NFE2L3: variants seen among roughly 807,000 people sequenced by gnomAD.
NFE2L3 encodes nuclear factor erythroid 2-related factor 3.
In NFE2L3, 18 loss-of-function variants were observed where a neutral mutation model predicts 23.5. That is an observed-to-expected ratio of 0.77 (90% CI 0.53 to 1.13). The LOEUF is 1.13. Ranked by LOEUF, NFE2L3 falls within the 50% of genes most tolerant of loss-of-function variation. The pLI, the probability that NFE2L3 is intolerant of heterozygous loss-of-function variation, is 0.00. For missense variants in NFE2L3, 1,152 were observed against 877.2 expected, an observed-to-expected ratio of 1.31 and a Z score of -3.96; for synonymous variants, 424 against 354.5, an observed-to-expected ratio of 1.20 and a Z score of -2.20.
At chr7:26,155,098 A>G (rs1784061510) in intron 1 of NFE2L3, among the ~76,000 whole-genome samples, 1 of 152,134 alleles carries the variant, frequency 6.6e-6, no homozygotes, top group African/African-American at 2.4e-5. Flanking sequence ...TGCCTTTTAC[A>G]TCAACCTTGT....
Position 26,185,125 on chromosome 7 carries a change from G to A in NFE2L3, c.1427G>A (p.Cys476Tyr). ...GGYYPEPSKLCHLDQSDSDFH... is the reference protein window; with the variant it reads ...GGYYPEPSKLYHLDQSDSDFH... ...TACTACCCAGAACCCAGTAAGCTTT[G>A]TCACTTGGATCAAAGTGATTCTGAT... Residue 476 changes from cysteine to tyrosine, a missense_variant, in exon 4 of 4, where the codon TGT becomes TAT. Physicochemically the swap from Cys to Tyr is radical, Grantham distance 194 (BLOSUM62 -2). Transcript: ENST00000056233. 1 of 1,613,886 alleles carries A rather than the reference G, an allele frequency of 6.2e-7. No homozygotes were observed. The highest frequency in any genetic ancestry group is 8.5e-7 in the Non-Finnish European group (1 of 1,179,826).
chr7:26,180,723 GCA>G (rs1784492035), intron 2 of NFE2L3, among the ~76,000 whole-genome samples: 1 of 151,990 alleles, frequency 6.6e-6, no homozygotes, highest in Non-Finnish European at 1.5e-5. Flanking sequence ...TCACTGCTAG[GCA>G]CAGACTAGGC....
At chr7:26,157,187 T>A (rs761412715) in intron 1 of NFE2L3, among the ~76,000 whole-genome samples, 1 of 152,130 alleles carries the variant, frequency 6.6e-6, no homozygotes, top group Non-Finnish European at 1.5e-5. Flanking sequence ...AGTCAATATT[T>A]AATTTTTTTT....
At position 26,185,799 on chromosome 7, in the gene NFE2L3, G is replaced by A. The variant is rs752209125; in HGVS notation, c.*16G>A. On this transcript the variant is annotated 3_prime_UTR_variant, in exon 4 of 4. Transcript: ENST00000056233. ...GAGAAAGTGAGAAGAAACTGAAGAT[G>A]GACTCTATTATGTGAAGTAGTAATG... The A allele has an allele frequency of 3.2e-6, 5 of 1,567,720 alleles. No individual in the cohort carries two copies. In the South Asian group the frequency reaches 3.6e-5, roughly 11 times the overall value.
Position 26,185,065 on chromosome 7 carries a change from G to T in NFE2L3, c.1367G>T (p.Ser456Ile). The change falls in exon 4 of 4, where the codon AGT becomes ATT. Residue 456 changes from serine to isoleucine, a missense_variant. Transcript: ENST00000056233. ...AIGYCTDHES[S>I]SHHDLEGAVG... ...GGTTATTGCACTGACCATGAATCTA[G>T]TTCCCATCATGACTTAGAAGGTGCT... is the stretch of plus-strand genomic sequence containing the variant. The T allele has an allele frequency of 6.2e-7, 1 of 1,613,716 alleles. No homozygotes were observed. Among genetic ancestry groups the T allele is most frequent in the Non-Finnish European group, 8.5e-7 (1 of 1,179,696 alleles).
intron 1 of NFE2L3, among the ~76,000 whole-genome samples, chr7:26,168,193 ATGG>A (rs1165510884): frequency 9.3e-5 from 14 of 150,672 alleles, no homozygotes; most frequent in Admixed American, 6.0e-4. Flanking sequence ...CTGGAGTGCA[ATGG>A]TGTGATCTCG....
At chr7:26,181,834 T>C (rs1161345298) in intron 2 of NFE2L3, among the ~76,000 whole-genome samples, 1 of 152,130 alleles carries the variant, frequency 6.6e-6, no homozygotes, top group Admixed American at 6.5e-5. Flanking sequence ...ATGAAAAAAG[T>C]CATTTTCATT....
rs1782500075 is a variant in NFE2L3, at chr7:26,186,880, C to G, written c.*1097C>G. 1 of 152,170 alleles carries G rather than the reference C, an allele frequency of 6.6e-6. No homozygotes were observed. Among genetic ancestry groups the G allele is most frequent in the Non-Finnish European group, 1.5e-5 (1 of 68,026 alleles). 9.4% of individuals were successfully genotyped at this position (152,170 alleles called of 1,614,324 possible). ...CACTTAAGTTCACTAGAACAGTAAA[C>G]AGGAGATTGCTGAATTTTTTGAAGA... is the stretch of plus-strand genomic sequence containing the variant. On this transcript the variant is annotated 3_prime_UTR_variant, in exon 4 of 4. Transcript: ENST00000056233.
chr7:26,181,754 T>C (rs1348701428), intron 2 of NFE2L3, among the ~76,000 whole-genome samples: 1 of 152,284 alleles, frequency 6.6e-6, no homozygotes, highest in East Asian at 1.9e-4. Context: ...GAACAGAATC[T>C]ATAAGGCAAG....
Position 26,185,629 on chromosome 7 carries a change from A to G in NFE2L3, c.1931A>G (p.Asp644Gly), listed in dbSNP as rs1023664031. The G allele has an allele frequency of 2.0e-5, 32 of 1,613,768 alleles. No individual in the cohort carries two copies. The highest frequency in any genetic ancestry group is 1.2e-4 in the African/African-American group (9 of 74,896). ...CAGAAACTGCATGACCTTTATCATG[A>G]TATTTTTAGTAGATTAAGAGATGAC... ...MKQKLHDLYH[D>G]IFSRLRDDQG... Residue 644 changes from aspartate (D) to glycine (G), a missense_variant, in exon 4 of 4, where the codon GAT (aspartate) becomes GGT (glycine). Physicochemically the swap from Asp to Gly is moderately conservative, Grantham distance 94. Transcript: ENST00000056233.
chr7:26,170,308 A>C (rs1175423412), intron 1 of NFE2L3, among the ~76,000 whole-genome samples: 1 of 152,156 alleles, frequency 6.6e-6, no homozygotes, highest in Non-Finnish European at 1.5e-5. Flanking sequence ...TCAGTTGCTC[A>C]TCTTTAAGAG....
At chr7:26,181,780 A>G (rs897723376) in intron 2 of NFE2L3, among the ~76,000 whole-genome samples, 2 of 152,202 alleles carry the variant, frequency 1.3e-5, no homozygotes, top group South Asian at 2.1e-4. Context: ...ACTATCATGA[A>G]AAAAGAAAAA....
chr7:26,182,839 G>C (rs1782354929), intron 2 of NFE2L3, among the ~76,000 whole-genome samples: 1 of 152,110 alleles, frequency 6.6e-6, no homozygotes, highest in African/African-American at 2.4e-5. Context: ...ATTCTGTTAG[G>C]CTGGAGTGTG....
At chr7:26,160,529 G>A (rs1784151434) in intron 1 of NFE2L3, among the ~76,000 whole-genome samples, 1 of 152,278 alleles carries the variant, frequency 6.6e-6, no homozygotes, top group Middle Eastern at 3.4e-3. Flanking sequence ...GATATAATTG[G>A]GAAGGCTGGC....
intron 3 of NFE2L3, chr7:26,184,243 A>G (rs1782416700): frequency 2.6e-6 from 1 of 381,836 alleles, no homozygotes; most frequent in Non-Finnish European, 4.7e-6. Flanking sequence ...GCATCTTATT[A>G]TAAAGTAGCA....
At chr7:26,162,965 G>A (rs1784195537) in intron 1 of NFE2L3, among the ~76,000 whole-genome samples, 1 of 152,060 alleles carries the variant, frequency 6.6e-6, no homozygotes, top group Non-Finnish European at 1.5e-5. Flanking sequence ...ACCTGCCTTG[G>A]CCTCCCAAAG....
rs767025195 is a variant in NFE2L3 at position 26,185,378 on chromosome 7, T to C, written c.1680T>C (p.Asp560=). 3 of 1,614,168 alleles carry C rather than the reference T, an allele frequency of 1.9e-6. No homozygotes were observed. The highest frequency in any genetic ancestry group is 2.2e-5 in the South Asian group (2 of 91,082). The change falls in exon 4 of 4, where the codon GAT becomes GAC. Residue 560 remains aspartate, a synonymous_variant. Transcript: ENST00000056233. ...SVDEIVGMPV[D]SFNSMLSRYY... ...ATGAAATTGTCGGCATGCCTGTTGA[T>C]TCTTTCAATAGCATGTTAAGTAGAT...
chr7:26,163,535 C>T (rs566050487), intron 1 of NFE2L3, among the ~76,000 whole-genome samples: 23 of 152,164 alleles, frequency 1.5e-4, no homozygotes, highest in Admixed American at 3.3e-4. Context: ...TTAGTAGAGA[C>T]GGGATTTCAC....
Position 26,183,784 on chromosome 7 carries a change from G to A in NFE2L3, c.834G>A (p.Glu278=), listed in dbSNP as rs1343677537. The change falls in exon 3 of 4, where the codon GAG becomes GAA. Residue 278 remains glutamate (E), a splice_region_variant and synonymous_variant. Transcript: ENST00000056233. The stretch of plus-strand genomic sequence containing the variant: ...CATCACAGCCTGAAAATTCACTGGA[G>A]GTAATTGGAACTTTGGCTTTTATCC... ...LLSSQPENSL[E]GISLGDIPLP... 24 of 1,608,200 alleles carry A rather than the reference G, an allele frequency of 1.5e-5. No homozygotes were observed. Among genetic ancestry groups the A allele is most frequent in the Non-Finnish European group, 2.0e-5 (24 of 1,174,616 alleles).
Sources: allele counts gnomAD v4.1 joint callset (sites outside exome capture counted in the v4.1 genomes callset), GRCh38; gene constraint gnomAD v4.1.1; transcripts MANE v1.5; gene names NCBI Gene and HGNC (gene_info 2026-07-23, HGNC 2026-07-21).